The following DLGAP1 variants were observed in gnomAD, a reference collection of about 807,000 sequenced individuals.
The protein encoded by DLGAP1 is DLG associated protein 1, also known as disks large-associated protein 1.
In DLGAP1, 11 loss-of-function variants were observed where a neutral mutation model predicts 90.8. The observed-to-expected ratio is 0.12, with a 90% confidence interval of 0.08 to 0.20. The LOEUF is 0.20. Ranked by LOEUF, DLGAP1 falls within the 10% of genes least tolerant of loss-of-function variation. The pLI is 1.00. For missense variants in DLGAP1, 1,050 were observed against 1,333.8 expected, an observed-to-expected ratio of 0.79 and a Z score of 3.31; for synonymous variants, 558 against 540.7, an observed-to-expected ratio of 1.03 and a Z score of -0.44.
intron 3 of DLGAP1, among the ~76,000 whole-genome samples, chr18:3,918,279 C>G (rs982378957): frequency 1.3e-5 from 2 of 152,124 alleles, no homozygotes; most frequent in African/African-American, 4.8e-5. Flanking sequence ...GAAAATGAAG[C>G]CATCCAGACT....
chr18:4,105,399 A>G (rs780574021), intron 2 of DLGAP1, among the ~76,000 whole-genome samples: 4 of 152,214 alleles, frequency 2.6e-5, no homozygotes, highest in Non-Finnish European at 5.9e-5. Context: ...TAATAATATC[A>G]AAGTGAAATA....
chr18:3,658,719 C>A (rs1216610027), intron 7 of DLGAP1, among the ~76,000 whole-genome samples: 1 of 152,168 alleles, frequency 6.6e-6, no homozygotes, highest in Non-Finnish European at 1.5e-5. Context: ...TAAGCAATGA[C>A]CTCATCTTTT....
chr18:4,013,666 C>A (rs776906497), intron 2 of DLGAP1: 2 of 152,202 alleles, frequency 1.3e-5, no homozygotes, highest in Admixed American at 6.5e-5. Flanking sequence ...CAGATGACAG[C>A]CACCACACAC....
At chr18:3,977,434 G>GTGTTTTTTTTTTTT (rs1555718019) in intron 3 of DLGAP1, among the ~76,000 whole-genome samples, 2 of 95,332 alleles carry the variant, frequency 2.1e-5, no homozygotes, top group African/African-American at 8.4e-5. Flanking sequence ...TTTATTCTGT[G>GTGTTTTTTTTTTTT]TTTTTTTTTT....
intron 3 of DLGAP1, among the ~76,000 whole-genome samples, chr18:3,915,075 A>G (rs988013213): frequency 2.0e-5 from 3 of 152,178 alleles, no homozygotes; most frequent in Non-Finnish European, 1.5e-5. Context: ...GTGAGGTGGT[A>G]TCTCATTGTG....
chr18:3,880,748 G>T (rs1255402240), intron 3 of DLGAP1, among the ~76,000 whole-genome samples: 9 of 151,952 alleles, frequency 5.9e-5, no homozygotes, highest in East Asian at 2.0e-4. Flanking sequence ...TTTGAGACCA[G>T]CCTGGCCAAC....
chr18:4,131,885 G>C (rs1373076785), intron 2 of DLGAP1, among the ~76,000 whole-genome samples: 1 of 152,148 alleles, frequency 6.6e-6, no homozygotes, highest in African/African-American at 2.4e-5. Flanking sequence ...GAATGCTTCT[G>C]GCATGAGGTA....
In DLGAP1 at chr18:3,824,121, G is replaced by A. The variant is rs112727539; in HGVS notation, c.958-9848C>T. Among the ~76,000 whole-genome samples, 101 of 152,136 alleles carry A rather than the reference G, an allele frequency of 6.6e-4. 1 individual carries two copies. Among genetic ancestry groups the A allele is most frequent in the African/African-American group, 2.2e-3 (91 of 41,492 alleles). The stretch of plus-strand genomic sequence containing the variant: ...ATCTGTTGGCTTGGAATTGTTAGTT[G>A]AGCCATCATAGCTTTCCATTATTGT... On this transcript the variant is annotated intron_variant, in intron 4 of 12. Coordinates refer to ENST00000315677, the MANE Select transcript of DLGAP1 (RefSeq NM_004746.4).
At chr18:4,318,817 T>C (rs2080599100) in intron 1 of DLGAP1, among the ~76,000 whole-genome samples, 1 of 152,226 alleles carries the variant, frequency 6.6e-6, no homozygotes, top group South Asian at 2.1e-4. Flanking sequence ...TTTATCATTA[T>C]TAATATCAAA....
At chr18:4,188,219 A>T (rs1440549605) in intron 1 of DLGAP1, among the ~76,000 whole-genome samples, 1 of 151,890 alleles carries the variant, frequency 6.6e-6, no homozygotes, top group Admixed American at 6.6e-5. Flanking sequence ...CTTTTCTTTT[A>T]TCTCTATTTA....
chr18:3,841,492 C>T (rs2068712660), intron 4 of DLGAP1, among the ~76,000 whole-genome samples: 1 of 152,184 alleles, frequency 6.6e-6, no homozygotes, highest in African/African-American at 2.4e-5. Flanking sequence ...GATCCTTATA[C>T]ATTTTTAAGA....
chr18:4,205,374 A>G (rs1028709173), intron 1 of DLGAP1, among the ~76,000 whole-genome samples: 4 of 152,126 alleles, frequency 2.6e-5, no homozygotes, highest in Non-Finnish European at 5.9e-5. Context: ...GGCGATGAGA[A>G]GCTATGGTTG....
At chr18:3,798,084 C>T (rs561438110) in intron 5 of DLGAP1, among the ~76,000 whole-genome samples, 2 of 152,288 alleles carry the variant, frequency 1.3e-5, no homozygotes, top group African/African-American at 4.8e-5. Context: ...TATAAATTAC[C>T]CAGTCTTGGG....
At chr18:3,520,010 C>T (rs1416368733) in intron 10 of DLGAP1, among the ~76,000 whole-genome samples, 2 of 152,042 alleles carry the variant, frequency 1.3e-5, no homozygotes, top group South Asian at 2.1e-4. Flanking sequence ...CAAACCTGCA[C>T]GTTCAGCACA....
At chr18:3,898,991 C>T (rs2071722752) in intron 3 of DLGAP1, among the ~76,000 whole-genome samples, 1 of 152,002 alleles carries the variant, frequency 6.6e-6, no homozygotes, top group East Asian at 1.9e-4. Flanking sequence ...TCACACCTCT[C>T]AGCTTAACCT....
At chr18:3,810,150 C>T (rs1250830860) in intron 5 of DLGAP1, among the ~76,000 whole-genome samples, 3 of 152,074 alleles carry the variant, frequency 2.0e-5, no homozygotes, top group Non-Finnish European at 4.4e-5. Flanking sequence ...AAGAGAGTGA[C>T]CGAAATAATA....
intron 2 of DLGAP1, among the ~76,000 whole-genome samples, chr18:4,149,378 C>CT (rs951915494): frequency 4.7e-5 from 7 of 150,514 alleles, no homozygotes; most frequent in East Asian, 1.9e-4. Flanking sequence ...AAACACAAAA[C>CT]TTTTTTTTTT....
chr18:3,590,161 T>C (rs560417994), intron 7 of DLGAP1, among the ~76,000 whole-genome samples: 3 of 152,270 alleles, frequency 2.0e-5, no homozygotes, highest in African/African-American at 7.2e-5. Context: ...CCAGCTCCCT[T>C]AGCCTCCCAA....
chr18:3,617,001 T>C (rs867832380), intron 7 of DLGAP1, among the ~76,000 whole-genome samples: 1 of 152,054 alleles, frequency 6.6e-6, no homozygotes, highest in African/African-American at 2.4e-5. Context: ...AAAGACCACC[T>C]GAAAAGCCTT....
Sources: gnomAD v4.1 joint callset for allele counts (sites outside exome capture counted in the v4.1 genomes callset) on GRCh38, gnomAD v4.1.1 for gene constraint, MANE v1.5 for transcripts, NCBI Gene and HGNC (gene_info 2026-07-23, HGNC 2026-07-21) for gene names.